The following DNAJA4 variants were observed in gnomAD, a reference collection of about 807,000 sequenced individuals.
DNAJA4 encodes dnaJ homolog subfamily A member 4.
A neutral mutation model predicts 39.7 loss-of-function variants in DNAJA4; 32 were observed. The observed-to-expected ratio is 0.81, with a 90% CI of 0.61 to 1.08. The LOEUF is 1.08. Ranked by LOEUF, DNAJA4 falls within the 50% of genes least tolerant of loss-of-function variation. The pLI is 0.00. For synonymous variants in DNAJA4, 184 were observed against 182.4 expected (o/e 1.01, Z -0.07); for missense variants, 439 against 505.1 (o/e 0.87, Z 1.25).
chr15:78,274,134 C>T, intron 3 of DNAJA4, 63 bp from the exon 4 acceptor site: 1 of 1,512,718 alleles, frequency 6.6e-7, no homozygotes, highest in Non-Finnish European at 9.0e-7. Flanking sequence ...TGCCATGGCG[C>T]CCAGCAGGGA....
At chr15:78,273,262 G>A (rs2049353380) in intron 3 of DNAJA4, 63 bp downstream of exon 3, 1 of 989,162 alleles carries the variant, frequency 1.0e-6, no homozygotes, top group Non-Finnish European at 1.6e-6. Context: ...AACAATGCTT[G>A]TTTTATAGTT....
chr15:78,264,752 C>G lies in DNAJA4; in HGVS notation c.-12C>G, dbSNP rs746353737. The G allele has an allele frequency of 1.2e-5, 19 of 1,560,938 alleles. No homozygotes were observed. Among genetic ancestry groups the G allele is most frequent in the African/African-American group, 1.1e-4 (8 of 70,802 alleles). On this transcript the variant is annotated 5_prime_UTR_variant, in exon 1 of 7. Transcript: ENST00000394852. The stretch of plus-strand genomic sequence containing the variant: ...TCTGACCGGCCTCGCCCGCCCCCCC[C>G]GCAGACACAAGATGGTGAAGGAGAC...
In DNAJA4 at chr15:78,275,814, CATA is replaced by C. The variant is rs767180015; in HGVS notation, c.877+90_877+92del. The C allele has an allele frequency of 1.4e-5, 13 of 945,078 alleles. 1 individual carries two copies. The highest frequency in any genetic ancestry group is 1.1e-4 in the South Asian group (7 of 61,048). The allele number at this position is 945,078 out of a possible 1,614,324, so 58.5% of individuals were successfully genotyped here. A position where few individuals can be genotyped will look rare whatever the true frequency, so the allele number is the denominator to read the frequency against. ...AGTTAGCCTGATTTTTTTATTGCTA[CATA>C]ATATTTTACATATTGATGGGGTGCA... On this transcript the variant is annotated intron_variant, in intron 5 of 6. Coordinates refer to ENST00000394852, the MANE Select transcript of DNAJA4 (RefSeq NM_001130182.2).
At chr15:78,267,425 T>G (rs12442376) in intron 1 of DNAJA4, among the ~76,000 whole-genome samples, 103,743 of 151,644 alleles carry the variant, frequency 0.68, 35,713 homozygotes, top group East Asian at 0.76. Flanking sequence ...ACCTTGTGTT[T>G]TTTGGGCACT....
At position 78,270,480 on chromosome 15, in the gene DNAJA4, C is replaced by T. The variant is rs769988065; in HGVS notation, c.133-17C>T. ...CTGAAACTTCTCTAAAAATCTCTCT[C>T]TCTCTCTCTTTTAAAGTTTAAACTC... On this transcript the variant is annotated splice_polypyrimidine_tract_variant and intron_variant, in intron 1 of 6. Coordinates refer to ENST00000394852, the MANE Select transcript of DNAJA4 (RefSeq NM_001130182.2). 6.3e-7 allele frequency: 1 copy of T among 1,599,822 alleles called. No homozygotes were observed. The highest frequency in any genetic ancestry group is 8.5e-7 in the Non-Finnish European group (1 of 1,173,670).
intron 1 of DNAJA4, among the ~76,000 whole-genome samples, chr15:78,266,812 GTATC>G (rs1273304781): frequency 1.3e-4 from 20 of 152,236 alleles, no homozygotes; most frequent in African/African-American, 4.6e-4. Flanking sequence ...TATGGGGTGA[GTATC>G]TAGCTGTGCA....
intron 1 of DNAJA4, among the ~76,000 whole-genome samples, chr15:78,266,704 TTTGA>T (rs1433389738): frequency 3.3e-5 from 5 of 152,232 alleles, no homozygotes; most frequent in Non-Finnish European, 7.3e-5. Context: ...TGATTACTTG[TTTGA>T]TTAACTGTAT....
At chr15:78,272,792 G>A (rs2049336986) in intron 2 of DNAJA4, among the ~76,000 whole-genome samples, 1 of 152,224 alleles carries the variant, frequency 6.6e-6, no homozygotes, top group African/African-American at 2.4e-5. Context: ...TTCTCAATTA[G>A]TACTCTCCTT....
chr15:78,274,494 C>A, intron 4 of DNAJA4, 70 bp downstream of exon 4: 2 of 1,359,458 alleles, frequency 1.5e-6, no homozygotes, highest in South Asian at 1.2e-5. Flanking sequence ...GTGAGATACA[C>A]AGACTAGATG....
intron 5 of DNAJA4, among the ~76,000 whole-genome samples, chr15:78,277,246 G>A (rs1273878884): frequency 6.6e-6 from 1 of 152,070 alleles, no homozygotes; most frequent in African/African-American, 2.4e-5. Flanking sequence ...GTGCAGTGGC[G>A]TGATCTCAGC....
At chr15:78,266,192 A>G (rs1353531704) in intron 1 of DNAJA4, 8 of 1,610,102 alleles carry the variant, frequency 5.0e-6, no homozygotes, top group African/African-American at 4.0e-5. Flanking sequence ...GTCTCCTTTA[A>G]GGAGAGCTTG....
rs184652480 is a variant in DNAJA4, at chr15:78,281,413, C to T, written c.*953C>T. 6.6e-6 allele frequency: 1 copy of T among 152,334 alleles called. No homozygotes were observed. The highest frequency in any genetic ancestry group is 1.5e-5 in the Non-Finnish European group (1 of 68,026). 9.4% of individuals were successfully genotyped at this position (152,334 alleles called of 1,614,324 possible). On this transcript the variant is annotated 3_prime_UTR_variant, in exon 7 of 7. Transcript: ENST00000394852. ...GCATAGAACTCCCCAGTGTTTTCCA[C>T]CTCATTCTCCCAGATTGAGCTCCCT...
At chr15:78,268,392 C>T (rs2049200874) in intron 1 of DNAJA4, among the ~76,000 whole-genome samples, 1 of 152,124 alleles carries the variant, frequency 6.6e-6, no homozygotes, top group African/African-American at 2.4e-5. Context: ...ATCTAGCTGC[C>T]TTATATATGA....
At chr15:78,276,979 T>C (rs561005727) in intron 5 of DNAJA4, among the ~76,000 whole-genome samples, 1 of 152,294 alleles carries the variant, frequency 6.6e-6, no homozygotes, top group East Asian at 1.9e-4. Context: ...TTCCTGGGGA[T>C]AGTAGGAAGC....
In DNAJA4 at chr15:78,279,051, C is replaced by G. The variant is rs1329044580; in HGVS notation, c.878-994C>G. 2 of 152,122 alleles carry G rather than the reference C, an allele frequency of 1.3e-5. No individual in the cohort carries two copies. The highest frequency in any genetic ancestry group is 2.9e-5 in the Non-Finnish European group (2 of 68,074). 9.4% of individuals were successfully genotyped at this position (152,122 alleles called of 1,614,324 possible). A position where few individuals can be genotyped will look rare whatever the true frequency, so the allele number is the denominator to read the frequency against. ...GCAGTTTAGCTAAGGGGTTGCTGTCCTGCACAGTCAGTAGGCTCTGAAGGC... is the reference window on the plus strand; with the variant it reads ...GCAGTTTAGCTAAGGGGTTGCTGTCGTGCACAGTCAGTAGGCTCTGAAGGC... On this transcript the variant is annotated intron_variant, in intron 5 of 6. Transcript: ENST00000394852. This position sits in a 1 kb window ranked among gnomAD's most constrained non-coding sequence, Gnocchi z 4.5.
intron 1 of DNAJA4, among the ~76,000 whole-genome samples, chr15:78,267,977 C>T (rs1595923057): frequency 6.6e-6 from 1 of 152,110 alleles, no homozygotes; most frequent in Non-Finnish European, 1.5e-5. Flanking sequence ...GGGTCCGGGC[C>T]GGGAGCTGAA....
intron 1 of DNAJA4, chr15:78,266,278 C>A (rs763291658): frequency 1.2e-6 from 2 of 1,613,978 alleles, no homozygotes; most frequent in South Asian, 2.2e-5. Flanking sequence ...CAGGTCAAAT[C>A]TCAGCACTCA....
chr15:78,264,521 C>T, upstream of DNAJA4: 2 of 1,233,724 alleles, frequency 1.6e-6, no homozygotes, highest in Non-Finnish European at 2.0e-6. Context: ...AAGCTTCCGC[C>T]GGCGCCGAAT....
chr15:78,278,735 T>G (rs2049554498), intron 5 of DNAJA4, among the ~76,000 whole-genome samples: 1 of 151,854 alleles, frequency 6.6e-6, no homozygotes, highest in South Asian at 2.1e-4. Context: ...CACTGTACAC[T>G]CTGCTTCCCG....
Sources: gnomAD v4.1 joint callset for allele counts (sites outside exome capture counted in the v4.1 genomes callset) on GRCh38, gnomAD v4.1.1 for gene constraint, Gnocchi (gnomAD v3.1) non-coding constraint, MANE v1.5 for transcripts, NCBI Gene and HGNC (gene_info 2026-07-23, HGNC 2026-07-21) for gene names.